JAK1: variants seen among roughly 807,000 people sequenced by gnomAD.
JAK1 encodes Janus kinase 1, also known as tyrosine-protein kinase JAK1.
In JAK1, 16 loss-of-function variants were observed where a neutral mutation model predicts 136.6. That is an observed-to-expected ratio of 0.12 (90% CI 0.08 to 0.18). The LOEUF (loss-of-function observed/expected upper bound fraction) is 0.18, where lower values mean the gene tolerates loss of function less well. JAK1 is among the 10% of genes least tolerant of loss of function. The probability of loss-of-function intolerance (pLI) is 1.00; values close to 1 mark genes in which losing one functional copy is unlikely to be tolerated. For synonymous variants in JAK1, 492 were observed against 519.5 expected (o/e 0.95, Z 0.72); for missense variants, 859 against 1,450.1 (o/e 0.59, Z 6.62).
At chr1:64,879,183 A>G in intron 3 of JAK1, 35 bp from the exon 4 acceptor site, 1 of 1,612,156 alleles carries the variant, frequency 6.2e-7, no homozygotes, top group Non-Finnish European at 8.5e-7. Flanking sequence ...CAGAAAATCA[A>G]GGCGGATACA....
At chr1:65,027,660 A>T (rs745436118) in intron 2 of JAK1, among the ~76,000 whole-genome samples, 10 of 152,108 alleles carry the variant, frequency 6.6e-5, no homozygotes, top group Non-Finnish European at 1.3e-4. Flanking sequence ...GTAAGGAAGG[A>T]TGATTGTGTG....
At chr1:64,919,272 T>C (rs1221850262) in intron 1 of JAK1, among the ~76,000 whole-genome samples, 1 of 152,198 alleles carries the variant, frequency 6.6e-6, no homozygotes, top group Non-Finnish European at 1.5e-5. Flanking sequence ...CGGTGTTTGG[T>C]TTTTTGTCCT....
In JAK1 at chr1:64,844,795, A is replaced by G. The variant is rs2100994710; in HGVS notation, c.2210T>C (p.Leu737Pro). The change falls in exon 16 of 25, where the codon CTC becomes CCC. Residue 737 changes from leucine to proline, a missense_variant. Physicochemically the swap from Leu to Pro is moderately conservative, Grantham distance 98. Coordinates refer to ENST00000342505, the MANE Select transcript of JAK1 (RefSeq NM_002227.4). The surrounding 1 kb of genome is among the most constrained non-coding windows in gnomAD (Gnocchi z 5.7). ...CGTAATGGGGATGCCGGGGTCACTG[A>G]GCTTGATGAATGGGCCACACTCACT... ...IDSECGPFIK[L>P]SDPGIPITVL... 6.2e-7 allele frequency: 1 copy of G among 1,614,160 alleles called. No individual in the cohort carries two copies. Among genetic ancestry groups the G allele is most frequent in the Non-Finnish European group, 8.5e-7 (1 of 1,180,028 alleles).
At chr1:64,858,886 G>A (rs371500289) in intron 9 of JAK1, among the ~76,000 whole-genome samples, 2 of 152,180 alleles carry the variant, frequency 1.3e-5, no homozygotes, top group Non-Finnish European at 2.9e-5. Flanking sequence ...AAGACTTCAC[G>A]GATAAGGTGA....
chr1:64,957,638 G>A (rs868066508), intron 1 of JAK1, among the ~76,000 whole-genome samples: 104 of 151,194 alleles, frequency 6.9e-4, no homozygotes, highest in African/African-American at 1.2e-3. Flanking sequence ...GTGAAACCCC[G>A]TCTCTACTAA....
At chr1:64,981,245 ATC>A (rs1231126749) in intron 2 of JAK1, among the ~76,000 whole-genome samples, 1 of 152,146 alleles carries the variant, frequency 6.6e-6, no homozygotes, top group Non-Finnish European at 1.5e-5. Flanking sequence ...TTTCTAAGTG[ATC>A]TCTCTCTCTG....
At chr1:65,055,842 G>A (rs1647510432) in intron 1 of JAK1, among the ~76,000 whole-genome samples, 1 of 152,196 alleles carries the variant, frequency 6.6e-6, no homozygotes, top group South Asian at 2.1e-4. Flanking sequence ...AGTGCAGGGT[G>A]ACTGCAAATG....
chr1:65,043,271 G>A (rs1022788290), intron 2 of JAK1, among the ~76,000 whole-genome samples: 1 of 152,146 alleles, frequency 6.6e-6, no homozygotes, highest in Non-Finnish European at 1.5e-5. Context: ...TAAAGGTGAG[G>A]AGATGGAGTC....
rs529740791 is a variant in JAK1, at chr1:65,032,245, C to T, written c.-78+12235G>A. On this transcript the variant is annotated intron_variant, in intron 2 of 25. Coordinates refer to the JAK1 transcript ENST00000671954. ...CCTCCCAAAGTGCTGGGATTACAGG[C>T]GTGAGCCACCACGCCCAGCCTAGAT... Among the ~76,000 whole-genome samples the T allele has an allele frequency of 7.2e-4, 110 of 152,244 alleles. 1 individual carries two copies. Among genetic ancestry groups the T allele is most frequent in the Non-Finnish European group, 1.2e-3 (81 of 68,012 alleles).
intron 1 of JAK1, among the ~76,000 whole-genome samples, chr1:64,950,435 A>G (rs1646065327): frequency 6.6e-6 from 1 of 152,170 alleles, no homozygotes; most frequent in Non-Finnish European, 1.5e-5. Flanking sequence ...ACATTAAAGA[A>G]AGCATTCTTC....
At chr1:64,915,597 T>C (rs1353821954) in intron 1 of JAK1, among the ~76,000 whole-genome samples, 1 of 152,240 alleles carries the variant, frequency 6.6e-6, no homozygotes, top group Non-Finnish European at 1.5e-5. Context: ...AAACGTTTTG[T>C]ATCTGTGCTG....
intron 1 of JAK1, among the ~76,000 whole-genome samples, chr1:65,051,925 A>G (rs1456879363): frequency 6.6e-6 from 1 of 152,158 alleles, no homozygotes; most frequent in African/African-American, 2.4e-5. Flanking sequence ...CAGACAGCTT[A>G]AAGAACCCAG....
At chr1:64,857,010 T>G (rs1190522744) in intron 10 of JAK1, among the ~76,000 whole-genome samples, 1 of 152,242 alleles carries the variant, frequency 6.6e-6, no homozygotes, top group Non-Finnish European at 1.5e-5. Context: ...TGTAGTTTTT[T>G]TAATTACATG....
At chr1:64,905,521 C>A (rs116390532) in intron 1 of JAK1, among the ~76,000 whole-genome samples, 3 of 152,096 alleles carry the variant, frequency 2.0e-5, no homozygotes, top group Non-Finnish European at 2.9e-5. Context: ...AAGAAATAAT[C>A]GTATTGAAAG....
At chr1:64,916,840 CAAA>C (rs34248076) in intron 1 of JAK1, among the ~76,000 whole-genome samples, 4 of 120,960 alleles carry the variant, frequency 3.3e-5, no homozygotes, top group Non-Finnish European at 5.0e-5. Flanking sequence ...GACCCTTTCT[CAAA>C]AAAAAAAAAA....
chr1:64,917,640 T>TAATCATGC (rs775495426), intron 1 of JAK1, among the ~76,000 whole-genome samples: 1 of 152,164 alleles, frequency 6.6e-6, no homozygotes, highest in Non-Finnish European at 1.5e-5. Flanking sequence ...TGGTTTTTCT[T>TAATCATGC]AATCATGCAC....
intron 21 of JAK1, 27 bp downstream of exon 21, chr1:64,838,438 C>G (rs1355075752): frequency 6.2e-7 from 1 of 1,611,400 alleles, no homozygotes; most frequent in African/African-American, 1.3e-5. Flanking sequence ...ATGTCTTAAT[C>G]TGTAACATGA....
Position 65,001,409 on chromosome 1 carries a change from C to T in JAK1, c.-78+43071G>A, listed in dbSNP as rs1646755193. On this transcript the variant is annotated intron_variant, in intron 2 of 25. Coordinates refer to the JAK1 transcript ENST00000671954. Reference sequence around the variant, plus strand: ...CCTCTCCCTGTGCGCTGGCTGGCGGCGAGTGCAGTGACTGATTTCCTCTGC... The same window carrying T: ...CCTCTCCCTGTGCGCTGGCTGGCGGTGAGTGCAGTGACTGATTTCCTCTGC... Among the ~76,000 whole-genome samples, 5 of 152,272 alleles carry T rather than the reference C, an allele frequency of 3.3e-5. No individual in the cohort carries two copies. In the South Asian group the frequency reaches 1.0e-3, roughly 32 times the overall value.
rs766366272 is a variant in JAK1, at chr1:64,857,761, A to T, written c.1353T>A (p.Asn451Lys). 6.2e-7 allele frequency: 1 copy of T among 1,614,038 alleles called. No homozygotes were observed. Among genetic ancestry groups the T allele is most frequent in the East Asian group, 2.2e-5 (1 of 44,892 alleles). Residue 451 changes from asparagine (N) to lysine (K), a missense_variant, in exon 10 of 25, where the codon AAT becomes AAA. By Grantham distance (94) the Asn-to-Lys change is moderately conservative. This residue lies in a region of JAK1 where 409 missense variants were observed against 753.8 expected (regional missense o/e 0.54). Coordinates refer to ENST00000342505, the MANE Select transcript of JAK1 (RefSeq NM_002227.4). ...CCTCGCTTCCTTCTTGCCGCAATTT[A>T]TTGATGGCGTATTCTGTACTAGAGG... ...HGPICTEYAI[N>K]KLRQEGSEEG...
Sources: gnomAD v4.1 joint callset for allele counts (sites outside exome capture counted in the v4.1 genomes callset) on GRCh38, gnomAD v4.1.1 for gene constraint, gnomAD v4.1.1 regional missense constraint, Gnocchi (gnomAD v3.1) non-coding constraint, MANE v1.5 for transcripts, NCBI Gene and HGNC (gene_info 2026-07-23, HGNC 2026-07-21) for gene names.